Variants in PDGFD observed in about 807,000 individuals in gnomAD.
PDGFD encodes platelet derived growth factor D, also known as platelet-derived growth factor D.
In PDGFD, 30 loss-of-function variants were observed where a neutral mutation model predicts 44.7. The observed-to-expected ratio is 0.67, with a 90% confidence interval of 0.50 to 0.91. The LOEUF is 0.91. Ranked by LOEUF, PDGFD falls within the 40% of genes least tolerant of loss-of-function variation. The pLI is 0.00. For synonymous variants in PDGFD, 173 were observed against 168.4 expected, an observed-to-expected ratio of 1.03 and a Z score of -0.21; for missense variants, 445 against 457.8, an observed-to-expected ratio of 0.97 and a Z score of 0.25.
At chr11:103,992,710 C>A (rs1022554366) in intron 3 of PDGFD, among the ~76,000 whole-genome samples, 3 of 152,142 alleles carry the variant, frequency 2.0e-5, no homozygotes, top group African/African-American at 7.2e-5. Flanking sequence ...TCAATCCCAA[C>A]CAAAAATAAG....
intron 1 of PDGFD, among the ~76,000 whole-genome samples, chr11:104,119,373 TTG>T (rs1861718149): frequency 1.1e-4 from 1 of 9,302 alleles, no homozygotes; most frequent in African/African-American, 2.3e-4. Context: ...ATATAATATA[TTG>T]ATATAATATA....
chr11:103,963,686 C>G (rs1490418630), intron 3 of PDGFD, among the ~76,000 whole-genome samples: 1 of 152,076 alleles, frequency 6.6e-6, no homozygotes, highest in African/African-American at 2.4e-5. Flanking sequence ...AAATTACCAT[C>G]TATATATCTA....
chr11:103,937,074 C>T (rs1177327342), intron 5 of PDGFD, among the ~76,000 whole-genome samples: 1 of 152,158 alleles, frequency 6.6e-6, no homozygotes, highest in African/African-American at 2.4e-5. Flanking sequence ...GATCTGCCTA[C>T]CTCGGCCTCC....
intron 1 of PDGFD, among the ~76,000 whole-genome samples, chr11:104,004,139 T>A (rs1382992606): frequency 6.6e-6 from 1 of 152,138 alleles, no homozygotes; most frequent in African/African-American, 2.4e-5. Flanking sequence ...GTCTTAAAGG[T>A]ATTAACTCTG....
intron 3 of PDGFD, among the ~76,000 whole-genome samples, chr11:103,966,317 T>C (rs939374130): frequency 1.7e-4 from 26 of 152,206 alleles, no homozygotes; most frequent in African/African-American, 5.8e-4. Flanking sequence ...GCTCCATTCA[T>C]ATTTTCTCAT....
intron 3 of PDGFD, among the ~76,000 whole-genome samples, chr11:103,950,957 T>A (rs904490309): frequency 3.3e-5 from 5 of 152,212 alleles, no homozygotes; most frequent in Admixed American, 3.3e-4. Context: ...TTGCTAAGAT[T>A]TTTTTAAGCA....
At chr11:104,009,297 C>A (rs1242601559) in intron 1 of PDGFD, among the ~76,000 whole-genome samples, 1 of 151,970 alleles carries the variant, frequency 6.6e-6, no homozygotes, top group Non-Finnish European at 1.5e-5. Flanking sequence ...GGGGGCTGCT[C>A]TTGGATTTAT....
rs778699625 is a variant in PDGFD at position 103,937,449 on chromosome 11, A to AT, written c.772+6002dup. 2.8e-3 allele frequency among the ~76,000 whole-genome samples: 430 copies of AT among 152,286 alleles called. 3 individuals carry two copies. Among genetic ancestry groups the AT allele is most frequent in the Non-Finnish European group, 4.2e-3 (284 of 68,020 alleles). On this transcript the variant is annotated intron_variant, in intron 5 of 6. Coordinates refer to ENST00000393158, the MANE Select transcript of PDGFD (RefSeq NM_025208.5). ...CGTTAATGTCCAGTCAGGGCTGATC[A>AT]TTTCTTAATTTAGAAATGTTGAATT...
At chr11:104,050,586 C>T (rs1235956199) in intron 1 of PDGFD, among the ~76,000 whole-genome samples, 1 of 152,166 alleles carries the variant, frequency 6.6e-6, no homozygotes, top group Non-Finnish European at 1.5e-5. Context: ...CCTTTCTGGA[C>T]CTCAGTTTGC....
chr11:104,155,452 A>G (rs531722179), intron 1 of PDGFD, among the ~76,000 whole-genome samples: 9 of 152,318 alleles, frequency 5.9e-5, no homozygotes, highest in Non-Finnish European at 1.0e-4. Flanking sequence ...AGACCTGGAA[A>G]TATAAGAGGA....
chr11:103,914,305 G>C (rs1275859417), intron 6 of PDGFD, among the ~76,000 whole-genome samples: 1 of 152,168 alleles, frequency 6.6e-6, no homozygotes, highest in Non-Finnish European at 1.5e-5. Context: ...TTTGCTGTTT[G>C]ATCAAGTAGC....
At chr11:103,998,673 T>C (rs73602324) in intron 2 of PDGFD, among the ~76,000 whole-genome samples, 19,632 of 152,198 alleles carry the variant, frequency 0.13, 1,376 homozygotes, top group Middle Eastern at 0.17. Context: ...AACCCCTATT[T>C]ACAGCTGGTT....
chr11:104,018,483 C>A (rs954496464), intron 1 of PDGFD, among the ~76,000 whole-genome samples: 3 of 152,216 alleles, frequency 2.0e-5, no homozygotes, highest in African/African-American at 7.2e-5. Flanking sequence ...GTGGGTTCAT[C>A]TGCAGTTTCG....
chr11:104,115,370 C>T (rs971686349), intron 1 of PDGFD, among the ~76,000 whole-genome samples: 1 of 149,876 alleles, frequency 6.7e-6, no homozygotes, highest in Non-Finnish European at 1.5e-5. Context: ...ATGGAATACT[C>T]ATCTATAAAA....
At chr11:104,037,962 G>C (rs115179914) in intron 1 of PDGFD, 11 of 1,613,862 alleles carry the variant, frequency 6.8e-6, no homozygotes, top group Admixed American at 3.3e-5. Flanking sequence ...ATGAGTCTTC[G>C]GACAAGGAAA....
chr11:103,999,660 C>T (rs1449855093), intron 2 of PDGFD, among the ~76,000 whole-genome samples: 1 of 152,168 alleles, frequency 6.6e-6, no homozygotes, highest in African/African-American at 2.4e-5. Context: ...CAGCGGGAGC[C>T]GGGCAGGGGT....
At chr11:104,068,273 AT>A (rs1186533453) in intron 1 of PDGFD, among the ~76,000 whole-genome samples, 1 of 152,168 alleles carries the variant, frequency 6.6e-6, no homozygotes, top group East Asian at 1.9e-4. Context: ...CAAAGTTCTC[AT>A]AAAAAACCAC....
chr11:103,925,675 C>T lies in PDGFD; in HGVS notation c.987+1237G>A, dbSNP rs574933474. On this transcript the variant is annotated intron_variant, in intron 6 of 6. Transcript: ENST00000393158. Reference sequence around the variant, plus strand: ...TCTCTCTCTCTCTATGTGTGTGTGTCTGTGTATATATATATATATATATAC... The same window carrying T: ...TCTCTCTCTCTCTATGTGTGTGTGTTTGTGTATATATATATATATATATAC... Among the ~76,000 whole-genome samples the T allele has an allele frequency of 4.1e-5, 4 of 97,356 alleles. No homozygotes were observed. The Admixed American group carries it at 4.4e-4, about 11-fold the overall frequency. The allele number at this position is 97,356 out of a possible 152,430, so 63.9% of individuals were successfully genotyped here.
intron 1 of PDGFD, among the ~76,000 whole-genome samples, chr11:104,044,025 A>T (rs1860401800): frequency 6.6e-6 from 1 of 152,242 alleles, no homozygotes; most frequent in Admixed American, 6.5e-5. Flanking sequence ...ATAGGCGAAC[A>T]ACCAGCGAAA....
Sources: gnomAD v4.1 joint callset for allele counts (sites outside exome capture counted in the v4.1 genomes callset) on GRCh38, gnomAD v4.1.1 for gene constraint, MANE v1.5 for transcripts, NCBI Gene and HGNC (gene_info 2026-07-23, HGNC 2026-07-21) for gene names.